The following FMN2 variants were observed in gnomAD, a reference collection of about 807,000 sequenced individuals.
The protein encoded by FMN2 is formin 2.
FMN2 carries 51 observed loss-of-function variants against 142.3 expected under a neutral mutation model. That is an observed-to-expected ratio of 0.36 (90% CI 0.29 to 0.45). The LOEUF is 0.45. FMN2 is among the 20% of genes least tolerant of loss of function. FMN2 has a pLI of 1.00. For missense variants in FMN2, 1,936 were observed against 2,122.8 expected (o/e 0.91, Z 1.73); for synonymous variants, 882 against 869.8 (o/e 1.01, Z -0.25).
Position 240,460,074 on chromosome 1 carries a change from T to G in FMN2, c.5061-12298T>G, listed in dbSNP as rs555230719. ...ATTAGAGTCAGGAGAATGTGGTGGT[T>G]GTTTTTTCTTCTCCGGATGAATCTT... On this transcript the variant is annotated intron_variant, in intron 16 of 17. Transcript: ENST00000319653. Among the ~76,000 whole-genome samples, 11 of 152,360 alleles carry G rather than the reference T, an allele frequency of 7.2e-5. No homozygotes were observed. The East Asian group carries it at 1.9e-3, about 27-fold the overall frequency.
chr1:240,266,435 C>G (rs1357915598), intron 7 of FMN2, among the ~76,000 whole-genome samples: 2 of 151,702 alleles, frequency 1.3e-5, no homozygotes, highest in Non-Finnish European at 2.9e-5. Flanking sequence ...TTTGGATTCT[C>G]TATTCTTTTC....
intron 15 of FMN2, among the ~76,000 whole-genome samples, chr1:240,425,204 T>TGAGAGAGAGA (rs142399934): frequency 0.039 from 5,216 of 134,770 alleles, 197 homozygotes; most frequent in East Asian, 0.11. Flanking sequence ...TTGAATGAGG[T>TGAGAGAGAGA]GAGAGAGAGA....
intron 11 of FMN2, among the ~76,000 whole-genome samples, chr1:240,332,118 T>A (rs962112513): frequency 6.6e-6 from 1 of 152,176 alleles, no homozygotes; most frequent in African/African-American, 2.4e-5. Context: ...GACACTGCTC[T>A]TCCAAAATCG....
At chr1:240,335,382 A>C (rs1671522848) in intron 13 of FMN2, among the ~76,000 whole-genome samples, 1 of 152,190 alleles carries the variant, frequency 6.6e-6, no homozygotes, top group Non-Finnish European at 1.5e-5. Context: ...ACTATGTTAC[A>C]TTTGTATAAT....
chr1:240,119,686 G>A (rs1468456909), intron 1 of FMN2, among the ~76,000 whole-genome samples: 8 of 152,132 alleles, frequency 5.3e-5, no homozygotes, highest in Non-Finnish European at 7.3e-5. Flanking sequence ...TAAGGATTTC[G>A]GGGCATATGC....
chr1:240,200,278 C>A (rs1311505238), intron 4 of FMN2, among the ~76,000 whole-genome samples: 1 of 152,096 alleles, frequency 6.6e-6, no homozygotes, highest in Non-Finnish European at 1.5e-5. Context: ...AAGAAAATGG[C>A]CCTTTTTCCT....
chr1:240,354,098 A>G (rs1672189580), intron 13 of FMN2, among the ~76,000 whole-genome samples: 1 of 152,150 alleles, frequency 6.6e-6, no homozygotes, highest in Non-Finnish European at 1.5e-5. Flanking sequence ...CTGAGAGGGC[A>G]GAGGTCACTG....
intron 8 of FMN2, among the ~76,000 whole-genome samples, chr1:240,297,914 G>A (rs905270158): frequency 5.9e-5 from 9 of 152,134 alleles, no homozygotes; most frequent in Non-Finnish European, 8.8e-5. Flanking sequence ...TGTTCTTGCT[G>A]TAACCTCACA....
intron 7 of FMN2, among the ~76,000 whole-genome samples, chr1:240,260,488 C>T (rs1243249555): frequency 6.6e-6 from 1 of 152,112 alleles, no homozygotes; most frequent in Non-Finnish European, 1.5e-5. Context: ...TTTTGATTTG[C>T]ATTTCCCTGA....
intron 1 of FMN2, among the ~76,000 whole-genome samples, chr1:240,122,884 C>G (rs1233144698): frequency 2.0e-5 from 3 of 152,156 alleles, no homozygotes; most frequent in Non-Finnish European, 4.4e-5. Context: ...AAGACCCTAT[C>G]TGAATTAAAA....
intron 13 of FMN2, among the ~76,000 whole-genome samples, chr1:240,350,319 C>T (rs968133132): frequency 3.9e-5 from 6 of 152,168 alleles, no homozygotes; most frequent in East Asian, 1.9e-4. Context: ...TGGTTTACCT[C>T]AGTGACCACT....
At chr1:240,296,218 A>G (rs1669973987) in intron 8 of FMN2, among the ~76,000 whole-genome samples, 1 of 147,782 alleles carries the variant, frequency 6.8e-6, no homozygotes, top group Admixed American at 6.8e-5. Context: ...TTTTTAACAA[A>G]GGTGGTAGAG....
intron 13 of FMN2, among the ~76,000 whole-genome samples, chr1:240,350,275 C>T (rs571952356): frequency 2.6e-5 from 4 of 152,274 alleles, no homozygotes; most frequent in East Asian, 1.9e-4. Context: ...TTTTATATCA[C>T]ACTGAGCTTT....
intron 6 of FMN2, among the ~76,000 whole-genome samples, chr1:240,214,647 G>A (rs1039935176): frequency 6.6e-6 from 1 of 152,100 alleles, no homozygotes; most frequent in Non-Finnish European, 1.5e-5. Flanking sequence ...CAATTTTAAG[G>A]AAGGCTTTAG....
intron 1 of FMN2, among the ~76,000 whole-genome samples, chr1:240,094,178 A>G (rs557068487): frequency 2.2e-4 from 34 of 152,316 alleles, no homozygotes; most frequent in Middle Eastern, 3.4e-3. Context: ...GGTACGATCC[A>G]AAGGCAGTCT....
intron 2 of FMN2, among the ~76,000 whole-genome samples, chr1:240,145,567 G>A (rs1441928777): frequency 1.5e-4 from 17 of 111,616 alleles, no homozygotes; most frequent in Non-Finnish European, 2.6e-4. Flanking sequence ...TTTGAGACAG[G>A]GTCTTGCTCT....
intron 8 of FMN2, among the ~76,000 whole-genome samples, chr1:240,306,863 C>G (rs1331590796): frequency 1.3e-5 from 2 of 152,196 alleles, no homozygotes; most frequent in Non-Finnish European, 2.9e-5. Flanking sequence ...TGCATTCCCA[C>G]CAACAGTGTA....
rs562369792 is a variant in FMN2 at position 240,144,797 on chromosome 1, G to A, written c.1782+21452G>A. The A allele has an allele frequency of 4.1e-5, 58 of 1,431,486 alleles. No individual in the cohort carries two copies. The African/African-American group carries it at 7.7e-4, about 19-fold the overall frequency. The allele number at this position is 1,431,486 out of a possible 1,614,324, so 88.7% of individuals were successfully genotyped here. A position where few individuals can be genotyped will look rare whatever the true frequency, so the allele number is the denominator to read the frequency against. ...CTCTGCGTCGTGGACCATGTTGTAG[G>A]GGACGATTTCCTTCACCAGAGTGAG... is the stretch of plus-strand genomic sequence containing the variant. On this transcript the variant is annotated intron_variant, in intron 2 of 17. Coordinates refer to ENST00000319653, the MANE Select transcript of FMN2 (RefSeq NM_020066.5).
intron 1 of FMN2, among the ~76,000 whole-genome samples, chr1:240,122,403 C>T (rs1275463200): frequency 6.6e-6 from 1 of 152,110 alleles, no homozygotes; most frequent in Non-Finnish European, 1.5e-5. Flanking sequence ...CTTGCCTCAG[C>T]CTCCCAAGTA....
Sources: gnomAD v4.1 joint callset for allele counts (sites outside exome capture counted in the v4.1 genomes callset) on GRCh38, gnomAD v4.1.1 for gene constraint, MANE v1.5 for transcripts, NCBI Gene and HGNC (gene_info 2026-07-23, HGNC 2026-07-21) for gene names.